Variants in CCDC73 observed in about 807,000 individuals in gnomAD.
CCDC73 encodes the protein coiled-coil domain-containing protein 73.
A neutral mutation model predicts 116.5 loss-of-function variants in CCDC73; 95 were observed. That is an observed-to-expected ratio of 0.82 (90% CI 0.69 to 0.97). The LOEUF (loss-of-function observed/expected upper bound fraction) is 0.97. CCDC73 is among the 50% of genes least tolerant of loss of function. The probability of loss-of-function intolerance (pLI) is 0.00; values close to 1 mark genes in which losing one functional copy is unlikely to be tolerated. For missense variants in CCDC73, 1,066 were observed against 1,206.8 expected (o/e 0.88, Z 1.73); for synonymous variants, 398 against 401.3 (o/e 0.99, Z 0.10).
At chr11:32,782,127 C>T (rs1296776000) in intron 1 of CCDC73, among the ~76,000 whole-genome samples, 4 of 152,158 alleles carry the variant, frequency 2.6e-5, no homozygotes, top group African/African-American at 7.2e-5. Context: ...GTCACTGTCT[C>T]CCATCACCCC....
chr11:32,752,542 C>T (rs1160536428), intron 2 of CCDC73, among the ~76,000 whole-genome samples: 3 of 152,224 alleles, frequency 2.0e-5, no homozygotes, highest in African/African-American at 7.2e-5. Context: ...CAGTCGTACT[C>T]ATTCCTGAAA....
chr11:32,634,789 A>G (rs1367059111), intron 14 of CCDC73, among the ~76,000 whole-genome samples: 1 of 152,202 alleles, frequency 6.6e-6, no homozygotes, highest in Non-Finnish European at 1.5e-5. Flanking sequence ...TATTATAACA[A>G]TAACTTAATT....
At position 32,653,198 on chromosome 11, in the gene CCDC73, C is replaced by T. The variant is rs1296129481; in HGVS notation, c.864G>A (p.Gln288=). ...CTTGAATTTGTTGCCGAAGTAACTG[C>T]TGCATATGTTGGAAAGAAATGATGA... ...QDIIISFQHM[Q]QLLRQQIQAN... is the part of the protein sequence containing the mutation. The change falls in exon 12 of 18, where the codon CAG becomes CAA. Residue 288 remains glutamine (Q), a synonymous_variant. Coordinates refer to ENST00000335185, the MANE Select transcript of CCDC73 (RefSeq NM_001008391.4). The T allele has an allele frequency of 5.0e-6, 8 of 1,611,208 alleles. No homozygotes were observed. The Admixed American group carries it at 5.0e-5, about 10-fold the overall frequency.
In CCDC73 at chr11:32,789,105, A is replaced by G. The variant is rs540102179; in HGVS notation, c.-16+5508T>C. Among the ~76,000 whole-genome samples the G allele has an allele frequency of 3.9e-5, 6 of 152,320 alleles. No individual in the cohort carries two copies. In the South Asian group the frequency reaches 1.2e-3, roughly 32 times the overall value. On this transcript the variant is annotated intron_variant, in intron 1 of 17. Coordinates refer to ENST00000335185, the MANE Select transcript of CCDC73 (RefSeq NM_001008391.4). Reference sequence around the variant, plus strand: ...TGTCAAATTCTGATCTAATTAACCTATGGAGATGAGATTTTAGGCTACTTA... The same window carrying G: ...TGTCAAATTCTGATCTAATTAACCTGTGGAGATGAGATTTTAGGCTACTTA...
intron 1 of CCDC73, among the ~76,000 whole-genome samples, chr11:32,779,199 C>T (rs1850561368): frequency 6.7e-6 from 1 of 150,160 alleles, no homozygotes; most frequent in Non-Finnish European, 1.5e-5. Context: ...TAGCTTTGTC[C>T]ACTTGCCTCT....
chr11:32,790,609 C>T (rs1850666160), intron 1 of CCDC73, among the ~76,000 whole-genome samples: 1 of 152,012 alleles, frequency 6.6e-6, no homozygotes, highest in South Asian at 2.1e-4. Flanking sequence ...AATATTTACA[C>T]TATTATGAGT....
At chr11:32,690,685 C>T (rs1460684498) in intron 6 of CCDC73, among the ~76,000 whole-genome samples, 5 of 152,106 alleles carry the variant, frequency 3.3e-5, no homozygotes, top group Admixed American at 6.6e-5. Flanking sequence ...CTTCCCCGCC[C>T]GCCATGATTT....
the CCDC73 span, among the ~76,000 whole-genome samples, chr11:32,818,599 T>G: frequency 1.3e-5 from 2 of 152,176 alleles, no homozygotes; most frequent in South Asian, 4.1e-4. Flanking sequence ...ACACAAAAAC[T>G]TGTACATGAG....
chr11:32,749,255 T>G (rs992577332), intron 2 of CCDC73, among the ~76,000 whole-genome samples: 3 of 152,106 alleles, frequency 2.0e-5, no homozygotes, highest in Non-Finnish European at 4.4e-5. Flanking sequence ...TCAAACAGCC[T>G]GTCTTCAAGC....
intron 17 of CCDC73, chr11:32,605,452 C>T (rs997446641): frequency 6.6e-6 from 1 of 152,114 alleles, no homozygotes; most frequent in Non-Finnish European, 1.5e-5. Flanking sequence ...TTTTAGTTCC[C>T]AGATGCTATT....
the CCDC73 span, among the ~76,000 whole-genome samples, chr11:32,811,126 C>T: frequency 1.3e-5 from 2 of 151,442 alleles, no homozygotes; most frequent in South Asian, 2.1e-4. Context: ...TTATGTGATG[C>T]ACACACACAC....
intron 1 of CCDC73, among the ~76,000 whole-genome samples, chr11:32,775,905 C>A (rs1347027108): frequency 6.6e-6 from 1 of 152,188 alleles, no homozygotes; most frequent in Non-Finnish European, 1.5e-5. Flanking sequence ...TTTTTCACAT[C>A]AGATTTAACA....
intron 2 of CCDC73, among the ~76,000 whole-genome samples, chr11:32,753,349 G>C (rs535502310): frequency 6.8e-6 from 1 of 146,740 alleles, no homozygotes; most frequent in African/African-American, 2.5e-5. Flanking sequence ...CCAGGCTGCA[G>C]TGCAGTGACA....
intron 1 of CCDC73, among the ~76,000 whole-genome samples, chr11:32,761,786 G>A (rs1189254915): frequency 6.6e-6 from 1 of 152,144 alleles, no homozygotes; most frequent in African/African-American, 2.4e-5. Flanking sequence ...CGCAGAGAGA[G>A]AGAGATTTTA....
chr11:32,772,598 A>C (rs1459401213), intron 1 of CCDC73, among the ~76,000 whole-genome samples: 1 of 152,222 alleles, frequency 6.6e-6, no homozygotes, highest in Non-Finnish European at 1.5e-5. Flanking sequence ...AGCTTCAAGT[A>C]TCTCAGAGCA....
chr11:32,800,615 G>A, the CCDC73 span, among the ~76,000 whole-genome samples: 1 of 151,826 alleles, frequency 6.6e-6, no homozygotes, highest in Non-Finnish European at 1.5e-5. Context: ...ACCTCTTCTG[G>A]ACCCCTTTAC....
In CCDC73 at chr11:32,642,172, A is replaced by G. The variant is rs1368030788; in HGVS notation, c.940-90T>C. ...TGTTGCTTGGACCTTTGCTTCTAACATGCTGAAAGTGCCATACAGATCAGT... is the reference window on the plus strand; with the variant it reads ...TGTTGCTTGGACCTTTGCTTCTAACGTGCTGAAAGTGCCATACAGATCAGT... On this transcript the variant is annotated intron_variant, in intron 12 of 17. Transcript: ENST00000335185. 6 of 1,303,394 alleles carry G rather than the reference A, an allele frequency of 4.6e-6. No homozygotes were observed. The East Asian group carries it at 1.8e-4, about 39-fold the overall frequency. 80.7% of individuals were successfully genotyped at this position (1,303,394 alleles called of 1,614,324 possible).
intron 2 of CCDC73, among the ~76,000 whole-genome samples, chr11:32,755,713 A>T (rs1409588267): frequency 2.1e-5 from 1 of 46,542 alleles, no homozygotes; most frequent in African/African-American, 1.0e-4. Context: ...ATATCTCCAT[A>T]TATATGTGTA....
chr11:32,755,853 GTGTGTATATATCTCCATATATATATC>G lies in CCDC73; in HGVS notation c.135+4230_135+4255del, dbSNP rs1438195282. Among the ~76,000 whole-genome samples, 148 of 128,924 alleles carry G rather than the reference GTGTGTATATATCTCCATATATATATC, an allele frequency of 1.1e-3. 20 individuals carry two copies. Among genetic ancestry groups the G allele is most frequent in the Middle Eastern group, 6.3e-3 (1 of 158 alleles). The allele number at this position is 128,924 out of a possible 152,430, so 84.6% of individuals were successfully genotyped here. On this transcript the variant is annotated intron_variant, in intron 2 of 17. Transcript: ENST00000335185. The stretch of plus-strand genomic sequence containing the variant: ...TGTGTATATATCTCCATATATATGT[GTGTGTATATATCTCCATATATATATC>G]TGTGTATATATCTCCATATATATCT...
Sources: gnomAD v4.1 joint callset for allele counts (sites outside exome capture counted in the v4.1 genomes callset) on GRCh38, gnomAD v4.1.1 for gene constraint, MANE v1.5 for transcripts, NCBI Gene and HGNC (gene_info 2026-07-23, HGNC 2026-07-21) for gene names.